WWC1: variants seen among roughly 807,000 people sequenced by gnomAD.
WWC1 encodes the protein protein KIBRA.
A neutral mutation model predicts 138.4 loss-of-function variants in WWC1; 55 were observed. The ratio of observed to expected loss-of-function variants is 0.40; its 90% confidence interval spans 0.32 to 0.50. The LOEUF (loss-of-function observed/expected upper bound fraction) is 0.50. Ranked by LOEUF, WWC1 falls within the 20% of genes least tolerant of loss-of-function variation. WWC1 has a pLI of 0.72. For missense variants in WWC1, 1,226 were observed against 1,420.4 expected (o/e 0.86, Z 2.20); for synonymous variants, 524 against 564.9 (o/e 0.93, Z 1.03).
At chr5:168,339,776 A>G (rs1430886638) in intron 1 of WWC1, among the ~76,000 whole-genome samples, 1 of 147,962 alleles carries the variant, frequency 6.8e-6, no homozygotes, top group Admixed American at 6.7e-5. Context: ...CCTCACAACG[A>G]GACTATGAGA....
At chr5:168,331,521 G>A (rs1041365453) in intron 1 of WWC1, among the ~76,000 whole-genome samples, 13 of 152,192 alleles carry the variant, frequency 8.5e-5, no homozygotes, top group African/African-American at 3.1e-4. Flanking sequence ...AAGGGAAATT[G>A]TGTATGTCCT....
intron 5 of WWC1, among the ~76,000 whole-genome samples, chr5:168,403,871 TACACACAC>T (rs57788100): frequency 0.015 from 1,973 of 134,416 alleles, 36 homozygotes; most frequent in African/African-American, 0.042. Context: ...AACACATGCA[TACACACAC>T]ACACACACAC....
chr5:168,424,872 C>G lies in WWC1; in HGVS notation c.1810+804C>G, dbSNP rs187349849. ...CCATTCTGCATGGGGTCAGAAAGAA[C>G]ATTTTGGTGTTGGCCGGAATTTAAG... On this transcript the variant is annotated intron_variant, in intron 11 of 22. Transcript: ENST00000265293. Among the ~76,000 whole-genome samples, 126 of 152,310 alleles carry G rather than the reference C, an allele frequency of 8.3e-4. 1 individual carries two copies. Among genetic ancestry groups the G allele is most frequent in the African/African-American group, 2.7e-3 (112 of 41,568 alleles).
intron 17 of WWC1, among the ~76,000 whole-genome samples, chr5:168,445,200 G>A (rs971322295): frequency 6.6e-6 from 1 of 152,042 alleles, no homozygotes. Flanking sequence ...TGTAATCCCA[G>A]CTACTCAGGA....
intron 4 of WWC1, among the ~76,000 whole-genome samples, chr5:168,398,227 C>T (rs373283366): frequency 1.3e-5 from 2 of 152,266 alleles, no homozygotes; most frequent in East Asian, 3.9e-4. Context: ...CCTCAGCCTC[C>T]CAAGTAGCTG....
At position 168,414,411 on chromosome 5, in the gene WWC1, C is replaced by A; in HGVS notation, c.1005C>A (p.Asp335Glu). ...GTGAGGCCTGGCCTGGGGTGCTGGA[C>A]TCAGAGAGGGACCGGCTGATCCTTA... is the stretch of plus-strand genomic sequence containing the variant. ...LDSEAWPGVL[D>E]SERDRLILIN... The change falls in exon 9 of 23, where the codon GAC (aspartate) becomes GAA (glutamate). Residue 335 changes from aspartate to glutamate, a missense_variant. Around this residue, in one of 3 missense-constraint regions of WWC1, gnomAD observed 1,016 missense variants for 1,153.9 expected, o/e 0.88. Transcript: ENST00000265293. 1 of 1,605,522 alleles carries A rather than the reference C, an allele frequency of 6.2e-7. No homozygotes were observed. Among genetic ancestry groups the A allele is most frequent in the East Asian group, 2.2e-5 (1 of 44,676 alleles).
chr5:168,459,110 C>T (rs537348182), intron 19 of WWC1, among the ~76,000 whole-genome samples: 36 of 151,872 alleles, frequency 2.4e-4, no homozygotes, highest in African/African-American at 6.8e-4. Flanking sequence ...AAAAATTATC[C>T]GGGCACAGTG....
intron 1 of WWC1, among the ~76,000 whole-genome samples, chr5:168,351,649 G>T (rs1389200990): frequency 6.6e-6 from 1 of 152,198 alleles, no homozygotes; most frequent in African/African-American, 2.4e-5. Flanking sequence ...TTTGCAGCAG[G>T]CCTGGATGCC....
chr5:168,296,042 T>C (rs1262126145), intron 1 of WWC1, among the ~76,000 whole-genome samples: 1 of 152,224 alleles, frequency 6.6e-6, no homozygotes, highest in African/African-American at 2.4e-5. Flanking sequence ...GGAGCCGTGC[T>C]CCTTTTGCGG....
At chr5:168,384,173 G>A (rs1441611480) in intron 2 of WWC1, among the ~76,000 whole-genome samples, 1 of 148,856 alleles carries the variant, frequency 6.7e-6, no homozygotes, top group Non-Finnish European at 1.5e-5. Context: ...ACTTATTTCT[G>A]TGTGACTTTG....
rs777428232 is a variant in WWC1 at position 168,385,254 on chromosome 5, G to A, written c.273G>A (p.Glu91=). Residue 91 remains glutamate, a synonymous_variant, in exon 3 of 23, where the codon GAG becomes GAA. Transcript: ENST00000265293. The part of the protein sequence containing the change: ...IEDPRVQWRR[E]QEHMLKDYLV... Reference sequence around the variant, plus strand: ...ATCCTCGAGTACAATGGCGGCGGGAGCAGGAACATATGCTGAAGGATTACC... The same window carrying A: ...ATCCTCGAGTACAATGGCGGCGGGAACAGGAACATATGCTGAAGGATTACC... The A allele has an allele frequency of 2.5e-6, 4 of 1,614,142 alleles. No individual in the cohort carries two copies. The South Asian group carries it at 3.3e-5, about 13-fold the overall frequency.
intron 9 of WWC1, 68 bp downstream of exon 9, chr5:168,414,658 G>A: frequency 6.8e-7 from 1 of 1,475,316 alleles, no homozygotes; most frequent in Non-Finnish European, 9.0e-7. Flanking sequence ...GCCCCCAGAT[G>A]GGGGAAGAAT....
chr5:168,431,279 C>T lies in WWC1; in HGVS notation c.2115C>T (p.Cys705=). Residue 705 remains cysteine (C), a synonymous_variant, in exon 15 of 23, where the codon TGC becomes TGT. Coordinates refer to ENST00000265293, the MANE Select transcript of WWC1 (RefSeq NM_015238.3). ...KVNIRVAVLP[C]SESTTCLFRT... is the part of the protein sequence containing the mutation. ...ATATCCGCGTGGCTGTCCTTCCTTGCTCTGAAAGCACAACCTGCCTGTTCC... is the reference window on the plus strand; with the variant it reads ...ATATCCGCGTGGCTGTCCTTCCTTGTTCTGAAAGCACAACCTGCCTGTTCC... 1 of 1,613,868 alleles carries T rather than the reference C, an allele frequency of 6.2e-7. No homozygotes were observed. Among genetic ancestry groups the T allele is most frequent in the South Asian group, 1.1e-5 (1 of 91,020 alleles).
chr5:168,297,410 T>A (rs1769636426), intron 1 of WWC1, among the ~76,000 whole-genome samples: 1 of 152,148 alleles, frequency 6.6e-6, no homozygotes, highest in Admixed American at 6.5e-5. Context: ...GCAGATCACC[T>A]GAGGTCAGGA....
chr5:168,434,581 G>C (rs944946401), intron 15 of WWC1, among the ~76,000 whole-genome samples: 1 of 152,216 alleles, frequency 6.6e-6, no homozygotes, highest in African/African-American at 2.4e-5. Flanking sequence ...TAAGCTGCCA[G>C]GTCATCCAAG....
chr5:168,445,701 C>CAAAAAAAA (rs763044458), intron 17 of WWC1, among the ~76,000 whole-genome samples: 1 of 50,684 alleles, frequency 2.0e-5, no homozygotes, highest in Non-Finnish European at 3.9e-5. Context: ...GACTCTGTCT[C>CAAAAAAAA]AAAAAAAAAA....
intron 1 of WWC1, among the ~76,000 whole-genome samples, chr5:168,369,746 G>T (rs184518336): frequency 6.6e-6 from 1 of 152,112 alleles, no homozygotes; most frequent in African/African-American, 2.4e-5. Flanking sequence ...AACACACCAG[G>T]TCCTATCCAG....
intron 17 of WWC1, among the ~76,000 whole-genome samples, chr5:168,451,782 T>C (rs1755837919): frequency 1.3e-5 from 2 of 152,082 alleles, no homozygotes; most frequent in Admixed American, 1.3e-4. Context: ...CACCCAGTAG[T>C]AGAGTGACTA....
rs1246333892 is a variant in WWC1 at position 168,401,237 on chromosome 5, A to G, written c.590+1670A>G. Among the ~76,000 whole-genome samples, 3 of 152,230 alleles carry G rather than the reference A, an allele frequency of 2.0e-5. No individual in the cohort carries two copies. The East Asian group carries it at 5.8e-4, about 29-fold the overall frequency. On this transcript the variant is annotated intron_variant, in intron 5 of 22. Coordinates refer to ENST00000265293, the MANE Select transcript of WWC1 (RefSeq NM_015238.3). The stretch of plus-strand genomic sequence containing the variant: ...TCATTGAATTGTGTTCAGTGTATCC[A>G]ATGGGCTCACTGGACAATCATTATG...
Sources: allele counts gnomAD v4.1 joint callset (sites outside exome capture counted in the v4.1 genomes callset), GRCh38; gene constraint gnomAD v4.1.1; regional missense constraint gnomAD v4.1.1; transcripts MANE v1.5; gene names NCBI Gene and HGNC (gene_info 2026-07-23, HGNC 2026-07-21).